SH3GL2: variants seen among roughly 807,000 people sequenced by gnomAD.
The protein encoded by SH3GL2 is SH3 domain containing GRB2 like 2, endophilin A1.
A neutral mutation model predicts 46.0 loss-of-function variants in SH3GL2; 24 were observed. The ratio of observed to expected loss-of-function variants is 0.52; its 90% confidence interval spans 0.38 to 0.73. The LOEUF (loss-of-function observed/expected upper bound fraction) is 0.73, where lower values mean the gene tolerates loss of function less well. SH3GL2 is among the 30% of genes least tolerant of loss of function. The pLI, the probability that SH3GL2 is intolerant of heterozygous loss-of-function variation, is 0.00. For missense variants in SH3GL2, 413 were observed against 424.2 expected (o/e 0.97, Z 0.23); for synonymous variants, 196 against 147.1 (o/e 1.33, Z -2.40).
chr9:17,677,071 G>A (rs549273961), intron 1 of SH3GL2, among the ~76,000 whole-genome samples: 6 of 152,188 alleles, frequency 3.9e-5, no homozygotes, highest in Admixed American at 6.5e-5. Context: ...CCTCCATCAC[G>A]CCTGCAGTCA....
intron 1 of SH3GL2, among the ~76,000 whole-genome samples, chr9:17,617,284 G>T (rs533204110): frequency 5.9e-4 from 90 of 152,302 alleles, no homozygotes; most frequent in Middle Eastern, 3.4e-3. Context: ...GTACATATAT[G>T]TAGGTTTGTT....
intron 1 of SH3GL2, among the ~76,000 whole-genome samples, chr9:17,635,008 TG>T (rs1358145633): frequency 2.0e-5 from 3 of 152,208 alleles, no homozygotes; most frequent in Non-Finnish European, 2.9e-5. Flanking sequence ...CAAGGATACG[TG>T]GGCAAGATGT....
chr9:17,681,705 A>G (rs1820771921), intron 1 of SH3GL2, among the ~76,000 whole-genome samples: 1 of 152,160 alleles, frequency 6.6e-6, no homozygotes, highest in South Asian at 2.1e-4. Context: ...TGGCAAATGG[A>G]GGATCTCATT....
At chr9:17,724,471 T>C (rs1821973787) in intron 1 of SH3GL2, among the ~76,000 whole-genome samples, 1 of 152,138 alleles carries the variant, frequency 6.6e-6, no homozygotes, top group African/African-American at 2.4e-5. Context: ...ATCTGCTAAT[T>C]CCAACATCTG....
chr9:17,711,261 T>A (rs377081082), intron 1 of SH3GL2, among the ~76,000 whole-genome samples: 1 of 151,972 alleles, frequency 6.6e-6, no homozygotes, highest in African/African-American at 2.4e-5. Context: ...ATATGACATA[T>A]TAATCTTGTT....
intron 1 of SH3GL2, among the ~76,000 whole-genome samples, chr9:17,684,709 G>C (rs1820860540): frequency 6.6e-6 from 1 of 152,016 alleles, no homozygotes; most frequent in Non-Finnish European, 1.5e-5. Flanking sequence ...AAGTCAACCA[G>C]AGAAAAAGAC....
At chr9:17,731,528 G>C (rs1198557420) in intron 1 of SH3GL2, among the ~76,000 whole-genome samples, 1 of 152,058 alleles carries the variant, frequency 6.6e-6, no homozygotes, top group Non-Finnish European at 1.5e-5. Flanking sequence ...GACACAGTGA[G>C]AAGGCAAAGG....
At chr9:17,628,419 T>G (rs1355200746) in intron 1 of SH3GL2, among the ~76,000 whole-genome samples, 1 of 34,354 alleles carries the variant, frequency 2.9e-5, no homozygotes, top group African/African-American at 1.5e-4. Context: ...TGGGTGTGTG[T>G]GTGTGTGTGT....
intron 1 of SH3GL2, among the ~76,000 whole-genome samples, chr9:17,649,184 G>A (rs1046965847): frequency 1.3e-5 from 2 of 152,136 alleles, no homozygotes; most frequent in South Asian, 2.1e-4. Flanking sequence ...TGCAACCTGC[G>A]CCTCCTGAGT....
chr9:17,753,135 T>G (rs1315874751), intron 2 of SH3GL2, among the ~76,000 whole-genome samples: 6 of 152,234 alleles, frequency 3.9e-5, no homozygotes, highest in Non-Finnish European at 5.9e-5. Flanking sequence ...TGATTCCATG[T>G]CTTTGCTATT....
chr9:17,650,420 G>A (rs1177417422), intron 1 of SH3GL2, among the ~76,000 whole-genome samples: 1 of 152,142 alleles, frequency 6.6e-6, no homozygotes, highest in Non-Finnish European at 1.5e-5. Flanking sequence ...CACCCAGGCT[G>A]GAGTGCAGTG....
At chr9:17,730,098 G>T (rs926828552) in intron 1 of SH3GL2, among the ~76,000 whole-genome samples, 3 of 152,100 alleles carry the variant, frequency 2.0e-5, no homozygotes, top group Non-Finnish European at 4.4e-5. Context: ...CATGAGCATG[G>T]AATGTTTTCC....
intron 1 of SH3GL2, among the ~76,000 whole-genome samples, chr9:17,614,504 T>C (rs536090544): frequency 6.6e-6 from 1 of 151,978 alleles, no homozygotes; most frequent in Admixed American, 6.5e-5. Context: ...GGCACTGGAA[T>C]TGGGACAGCG....
intron 2 of SH3GL2, among the ~76,000 whole-genome samples, chr9:17,751,470 T>TTGTTTGTGTGTGTGTG (rs1433444435): frequency 7.5e-6 from 1 of 132,926 alleles, no homozygotes; most frequent in African/African-American, 3.0e-5. Flanking sequence ...GTGTGTGTTT[T>TTGTTTGTGTGTGTGTG]TGTGTGTGCG....
chr9:17,598,243 G>T (rs1264142724), intron 1 of SH3GL2, among the ~76,000 whole-genome samples: 1 of 152,126 alleles, frequency 6.6e-6, no homozygotes, highest in Admixed American at 6.5e-5. Flanking sequence ...AAAAGAGCAG[G>T]TTATGGTTTC....
At chr9:17,761,534 A>C (rs1823174311) in intron 3 of SH3GL2, 25 bp downstream of exon 3, 2 of 1,359,080 alleles carry the variant, frequency 1.5e-6, no homozygotes, top group Middle Eastern at 1.8e-4. Flanking sequence ...TATATGTTTA[A>C]AGGATCCCTC....
intron 2 of SH3GL2, among the ~76,000 whole-genome samples, chr9:17,753,764 A>G (rs530691323): frequency 1.6e-4 from 25 of 152,232 alleles, no homozygotes; most frequent in African/African-American, 4.8e-4. Flanking sequence ...CTATGTCCTC[A>G]ATGGTATTTT....
intron 1 of SH3GL2, among the ~76,000 whole-genome samples, chr9:17,678,336 A>G (rs1046654079): frequency 5.1e-4 from 77 of 152,268 alleles, no homozygotes; most frequent in Middle Eastern, 3.4e-3. Flanking sequence ...TGTAACTGGT[A>G]TGAGATGGTA....
chr9:17,776,318 T>C (rs1217620123), intron 3 of SH3GL2, among the ~76,000 whole-genome samples: 1 of 152,278 alleles, frequency 6.6e-6, no homozygotes, highest in East Asian at 1.9e-4. Context: ...TTTTTTTCCC[T>C]AGGAAAAGGA....
Sources: allele counts gnomAD v4.1 joint callset (sites outside exome capture counted in the v4.1 genomes callset), GRCh38; gene constraint gnomAD v4.1.1; transcripts MANE v1.5; gene names NCBI Gene and HGNC (gene_info 2026-07-23, HGNC 2026-07-21).